The following COL6A2 variants were observed in gnomAD, a reference collection of about 807,000 sequenced individuals.
COL6A2 encodes the protein collagen alpha-2(VI) chain.
Under a neutral mutation model 124.9 loss-of-function variants are expected in COL6A2, and 90 were observed. That is an observed-to-expected ratio of 0.72 (90% CI 0.61 to 0.86). COL6A2 has a LOEUF of 0.86. COL6A2 is among the 40% of genes least tolerant of loss of function. The pLI, the probability that COL6A2 is intolerant of heterozygous loss-of-function variation, is 0.00. For missense variants in COL6A2, 1,607 were observed against 1,502.5 expected (o/e 1.07, Z -1.15); for synonymous variants, 793 against 618.2 (o/e 1.28, Z -4.19).
At chr21:46,126,672 C>T (rs915519861) in intron 27 of COL6A2, 131 bp downstream of exon 27, 1 of 1,101,240 alleles carries the variant, frequency 9.1e-7, no homozygotes. Flanking sequence ...GCGGAGGCTG[C>T]TCCTTAGGGA....
At chr21:46,124,798 A>G (rs1601246548) in intron 22 of COL6A2, 85 bp downstream of exon 22, 1 of 1,593,212 alleles carries the variant, frequency 6.3e-7, no homozygotes, top group African/African-American at 1.3e-5. Context: ...CCCACGGTGG[A>G]CCCACGTATC....
rs754323559 is a variant in COL6A2, at chr21:46,117,963, C to T, written c.1116+27C>T. 4.4e-6 allele frequency: 7 copies of T among 1,602,176 alleles called. No homozygotes were observed. In the South Asian group the frequency reaches 5.6e-5, roughly 13 times the overall value. On this transcript the variant is annotated intron_variant, in intron 12 of 27. Coordinates refer to ENST00000300527, the MANE Select transcript of COL6A2 (RefSeq NM_001849.4). Reference sequence around the variant, plus strand: ...TAAGTGGCCTTGTCAGGGTACGGGGCAGGCGGGGTCACCAGCTTCCAGGGG... The same window carrying T: ...TAAGTGGCCTTGTCAGGGTACGGGGTAGGCGGGGTCACCAGCTTCCAGGGG...
chr21:46,122,868 G>A lies in COL6A2; in HGVS notation c.1609-7G>A, dbSNP rs555312732. The A allele has an allele frequency of 2.0e-5, 32 of 1,613,208 alleles. 1 individual carries two copies. In the South Asian group the frequency reaches 2.7e-4, roughly 14 times the overall value. ...TGTCCCAGGCTAACATGTGTTCCCT[G>A]TCACAGGGAGGCCGAGGCGACTTTG... On this transcript the variant is annotated splice_region_variant and splice_polypyrimidine_tract_variant and intron_variant, in intron 20 of 27. Transcript: ENST00000300527.
In COL6A2 at chr21:46,113,919, A is replaced by G. The variant is rs1027091546; in HGVS notation, c.736-89A>G. The G allele has an allele frequency of 4.6e-6, 5 of 1,083,370 alleles. No individual in the cohort carries two copies. The Admixed American group carries it at 8.5e-5, about 18-fold the overall frequency. 67.1% of individuals were successfully genotyped at this position (1,083,370 alleles called of 1,614,324 possible). A position where few individuals can be genotyped will look rare whatever the true frequency, so the allele number is the denominator to read the frequency against. On this transcript the variant is annotated intron_variant, in intron 4 of 27. Transcript: ENST00000300527. Reference sequence around the variant, plus strand: ...CAGCATCTCCTTGGCCCCTGCTGAGAGTCGTGGGCTACACGTTCTGAGACC... The same window carrying G: ...CAGCATCTCCTTGGCCCCTGCTGAGGGTCGTGGGCTACACGTTCTGAGACC...
chr21:46,123,731 GGTTAGATGATGGA>G (rs1475529031), intron 21 of COL6A2, among the ~76,000 whole-genome samples: 1 of 149,184 alleles, frequency 6.7e-6, no homozygotes, highest in African/African-American at 2.4e-5. Flanking sequence ...GCGAGTGTGT[GGTTAGATGATGGA>G]TGGCTGAATG....
At chr21:46,126,373 CG>C in intron 26 of COL6A2, 129 bp from the exon 27 acceptor site, 1 of 1,501,344 alleles carries the variant, frequency 6.7e-7, no homozygotes, top group East Asian at 2.3e-5. Flanking sequence ...GGGAAGGGGT[CG>C]GGCCCTCTCG....
chr21:46,126,020 C>T lies in COL6A2; in HGVS notation c.2205C>T (p.His735=), dbSNP rs755147431. Residue 735 remains histidine (H), a synonymous_variant, in exon 26 of 28, where the codon CAC becomes CAT. Transcript: ENST00000300527. ...CGGTGGTCATCACGGACGGGCGCCA[C>T]GACCCTCGGGACGATGACCTCAACT... The part of the protein sequence containing the change: ...VFAVVITDGR[H]DPRDDDLNLR... The T allele has an allele frequency of 8.9e-5, 144 of 1,612,828 alleles. No individual in the cohort carries two copies. The highest frequency in any genetic ancestry group is 9.7e-5 in the Non-Finnish European group (114 of 1,179,866).
Position 46,121,076 on chromosome 21 carries a change from C to T in COL6A2, c.1411C>T (p.Pro471Ser). 1 of 1,612,778 alleles carries T rather than the reference C, an allele frequency of 6.2e-7. No homozygotes were observed. The highest frequency in any genetic ancestry group is 8.5e-7 in the Non-Finnish European group (1 of 1,179,918). Reference sequence around the variant, plus strand: ...TTTCTTCCAGGGAGACCGAGGCTTGCCTGGACCCAGAGGCCCCCAGGGAGC... The same window carrying T: ...TTTCTTCCAGGGAGACCGAGGCTTGTCTGGACCCAGAGGCCCCCAGGGAGC... ...NKGAKGDRGL[P>S]GPRGPQGALG... is the part of the protein sequence containing the mutation. Residue 471 changes from proline to serine, a missense_variant, in exon 17 of 28, where the codon CCT (proline) becomes TCT (serine). Pro to Ser is a moderately conservative substitution (Grantham distance 74, BLOSUM62 -1). Coordinates refer to ENST00000300527, the MANE Select transcript of COL6A2 (RefSeq NM_001849.4).
chr21:46,126,188 C>T lies in COL6A2; in HGVS notation c.2373C>T (p.Asp791=). 4 of 1,605,168 alleles carry T rather than the reference C, an allele frequency of 2.5e-6. No individual in the cohort carries two copies. The highest frequency in any genetic ancestry group is 3.4e-6 in the Non-Finnish European group (4 of 1,179,798). The stretch of plus-strand genomic sequence containing the variant: ...TGCGCAACATGACGCTGTTCTCCGA[C>T]CTGGTCGCTGAGAAGTTCATCGATG... ...QQVRNMTLFS[D]LVAEKFIDDM... Residue 791 remains aspartate, a synonymous_variant, in exon 26 of 28, where the codon GAC becomes GAT. Coordinates refer to ENST00000300527, the MANE Select transcript of COL6A2 (RefSeq NM_001849.4).
In COL6A2 at chr21:46,124,864, G is replaced by A. The variant is rs372408094; in HGVS notation, c.1735-21G>A. ...ACCCAGCCTTGGCCCCAGAGTCTCAGCCTCATCCTTCCTTCCCCAGGGTGA... is the reference window on the plus strand; with the variant it reads ...ACCCAGCCTTGGCCCCAGAGTCTCAACCTCATCCTTCCTTCCCCAGGGTGA... On this transcript the variant is annotated intron_variant, in intron 22 of 27. Transcript: ENST00000300527. 4 of 1,612,768 alleles carry A rather than the reference G, an allele frequency of 2.5e-6. No individual in the cohort carries two copies. The African/African-American group carries it at 5.3e-5, about 22-fold the overall frequency.
chr21:46,114,030 A>T lies in COL6A2; in HGVS notation c.758A>T (p.Glu253Val). Residue 253 changes from glutamate (E) to valine (V), a missense_variant, in exon 5 of 28, where the codon GAA becomes GTA. Glu to Val is a moderately radical substitution (Grantham distance 121). Coordinates refer to ENST00000300527, the MANE Select transcript of COL6A2 (RefSeq NM_001849.4). ...YGECYKVSCL[E>V]IPGPSGPKGY... ...CAGTGCTACAAGGTGAGCTGCCTGGAAATCCCTGGGCCCTCTGGCCCCAAG... is the reference window on the plus strand; with the variant it reads ...CAGTGCTACAAGGTGAGCTGCCTGGTAATCCCTGGGCCCTCTGGCCCCAAG... 6.2e-7 allele frequency: 1 copy of T among 1,613,890 alleles called. No homozygotes were observed. Among genetic ancestry groups the T allele is most frequent in the Non-Finnish European group, 8.5e-7 (1 of 1,179,988 alleles).
At chr21:46,126,859 G>A (rs1012085383) in intron 27 of COL6A2, among the ~76,000 whole-genome samples, 3 of 152,170 alleles carry the variant, frequency 2.0e-5, no homozygotes, top group Admixed American at 6.5e-5. Flanking sequence ...CTCAGCTGCC[G>A]CCCAGCTCCC....
rs1451278694 is a variant in COL6A2, at chr21:46,117,318, C to T, written c.1000-82C>T. On this transcript the variant is annotated intron_variant, in intron 10 of 27. Transcript: ENST00000300527. ...GCGCTGCAGCCCTGCGGGGCAGAAC[C>T]GGGTGGGCTGTGTCTTGGTCGTTGG... is the stretch of plus-strand genomic sequence containing the variant. 13 of 1,394,948 alleles carry T rather than the reference C, an allele frequency of 9.3e-6. No individual in the cohort carries two copies. The East Asian group carries it at 9.6e-5, about 10-fold the overall frequency. 86.4% of individuals were successfully genotyped at this position (1,394,948 alleles called of 1,614,324 possible).
At chr21:46,109,785 C>T (rs959342893) in intron 1 of COL6A2, among the ~76,000 whole-genome samples, 1 of 152,148 alleles carries the variant, frequency 6.6e-6, no homozygotes, top group African/African-American at 2.4e-5. Context: ...AGCTGGGCAG[C>T]GGGAACAGGC....
At chr21:46,103,649 T>C (rs959134199) in intron 1 of COL6A2, among the ~76,000 whole-genome samples, 15 of 152,266 alleles carry the variant, frequency 9.9e-5, no homozygotes, top group African/African-American at 3.4e-4. Flanking sequence ...TTGTGATTTC[T>C]TCTCTGATCC....
Position 46,122,154 on chromosome 21 carries a change from C to T in COL6A2, c.1568C>T (p.Ala523Val), listed in dbSNP as rs769563817. Residue 523 changes from alanine (A) to valine (V), a missense_variant, in exon 19 of 28, where the codon GCA (alanine) becomes GTA (valine). By Grantham distance (64) the Ala-to-Val change is moderately conservative. Coordinates refer to ENST00000300527, the MANE Select transcript of COL6A2 (RefSeq NM_001849.4). ...TTCAGCTACCCAGGACCCCGAGGAG[C>T]ACCCGTGAGTCACAGCCTGGGATGG... ...PGFSYPGPRG[A>V]PGEKGEPGPR... 6 of 1,612,628 alleles carry T rather than the reference C, an allele frequency of 3.7e-6. No homozygotes were observed. In the South Asian group the frequency reaches 5.5e-5, roughly 15 times the overall value.
At chr21:46,125,121 T>C in intron 23 of COL6A2, 145 bp from the exon 24 acceptor site, 1 of 1,030,140 alleles carries the variant, frequency 9.7e-7, no homozygotes, top group Non-Finnish European at 1.5e-6. Flanking sequence ...GCAGCGAGGT[T>C]GGTAGGGACA....
chr21:46,127,674 A>C (rs1246573627), intron 27 of COL6A2, among the ~76,000 whole-genome samples: 3 of 152,066 alleles, frequency 2.0e-5, no homozygotes, highest in South Asian at 2.1e-4. Flanking sequence ...AAGTCTCGGG[A>C]CCCCATGATG....
intron 27 of COL6A2, among the ~76,000 whole-genome samples, chr21:46,128,215 T>G (rs1339369006): frequency 6.6e-6 from 1 of 152,094 alleles, no homozygotes; most frequent in East Asian, 1.9e-4. Context: ...CGGAGGCCCT[T>G]GAAGCTCTGG....
Sources: gnomAD v4.1 joint callset for allele counts (sites outside exome capture counted in the v4.1 genomes callset) on GRCh38, gnomAD v4.1.1 for gene constraint, MANE v1.5 for transcripts, NCBI Gene and HGNC (gene_info 2026-07-23, HGNC 2026-07-21) for gene names.